The following PTPRT variants were observed in gnomAD, a reference collection of about 807,000 sequenced individuals.
PTPRT encodes the protein protein tyrosine phosphatase receptor type T.
In PTPRT, 56 loss-of-function variants were observed where a neutral mutation model predicts 176.8. That is an observed-to-expected ratio of 0.32 (90% CI 0.26 to 0.40). The LOEUF (loss-of-function observed/expected upper bound fraction) is 0.40, where lower values mean the gene tolerates loss of function less well. PTPRT is among the 10% of genes least tolerant of loss of function. The pLI, the probability that PTPRT is intolerant of heterozygous loss-of-function variation, is 1.00. For synonymous variants in PTPRT, 783 were observed against 739.0 expected (o/e 1.06, Z -0.96); for missense variants, 1,540 against 1,908.2 (o/e 0.81, Z 3.60).
chr20:42,868,458 G>T (rs534890247), intron 2 of PTPRT, among the ~76,000 whole-genome samples: 19 of 152,328 alleles, frequency 1.2e-4, no homozygotes, highest in African/African-American at 4.6e-4. Context: ...GGTGAAAGAA[G>T]TATCTAAGCA....
intron 2 of PTPRT, among the ~76,000 whole-genome samples, chr20:42,802,911 G>C (rs1009475037): frequency 6.6e-6 from 1 of 152,194 alleles, no homozygotes; most frequent in African/African-American, 2.4e-5. Context: ...GATGGCAAAA[G>C]TTGTACATGC....
At chr20:42,791,500 C>A (rs1352040511) in intron 2 of PTPRT, 34 bp from the exon 3 acceptor site, 2 of 1,572,910 alleles carry the variant, frequency 1.3e-6, no homozygotes, top group Admixed American at 1.9e-5. Context: ...GAAGTAGAGA[C>A]AAAGAGAAAG....
At chr20:42,940,992 G>C (rs1475916668) in intron 1 of PTPRT, among the ~76,000 whole-genome samples, 1 of 151,912 alleles carries the variant, frequency 6.6e-6, no homozygotes, top group East Asian at 1.9e-4. Flanking sequence ...TGAGGCAGAA[G>C]AATCGCTTGA....
intron 1 of PTPRT, among the ~76,000 whole-genome samples, chr20:42,984,427 C>G (rs935086582): frequency 6.6e-6 from 1 of 152,204 alleles, no homozygotes; most frequent in Non-Finnish European, 1.5e-5. Context: ...AAATACAGCT[C>G]TCCACTTTCT....
At chr20:42,423,708 C>T (rs944479097) in intron 9 of PTPRT, among the ~76,000 whole-genome samples, 7 of 152,302 alleles carry the variant, frequency 4.6e-5, no homozygotes, top group Middle Eastern at 3.4e-3. Flanking sequence ...TTCATGGAAA[C>T]CTCTATGATT....
Position 42,110,368 on chromosome 20 carries a change from G to C in PTPRT, c.3219C>G (p.Asn1073Lys), listed in dbSNP as rs1242881901. The C allele has an allele frequency of 6.2e-7, 1 of 1,612,846 alleles. No individual in the cohort carries two copies. The highest frequency in any genetic ancestry group is 8.5e-7 in the Non-Finnish European group (1 of 1,179,022). ...LGFVRQVKFL[N>K]PPEAGPIVVH... ...CCACTATGGGCCCAGCTTCCGGGGG[G>C]TTGAGGAACTTGACCTGGCGGACGA... The change falls in exon 23 of 31, where the codon AAC becomes AAG. Residue 1073 changes from asparagine (N) to lysine (K), a missense_variant. Around this residue, in one of 11 missense-constraint regions of PTPRT, gnomAD observed 248 missense variants for 356.7 expected, o/e 0.70. Coordinates refer to ENST00000373187, the MANE Select transcript of PTPRT (RefSeq NM_007050.6).
intron 7 of PTPRT, among the ~76,000 whole-genome samples, chr20:42,654,583 G>A (rs149495927): frequency 1.0e-3 from 155 of 152,294 alleles, no homozygotes; most frequent in African/African-American, 3.3e-3. Context: ...ACTGCACTAC[G>A]TCCAACACAT....
intron 2 of PTPRT, among the ~76,000 whole-genome samples, chr20:42,852,236 G>C (rs1055647443): frequency 6.6e-6 from 1 of 152,094 alleles, no homozygotes; most frequent in Non-Finnish European, 1.5e-5. Context: ...GGGGAGAATT[G>C]ACATATTTAT....
chr20:42,527,263 G>A (rs917009651), intron 7 of PTPRT, among the ~76,000 whole-genome samples: 1 of 151,854 alleles, frequency 6.6e-6, no homozygotes, highest in African/African-American at 2.4e-5. Context: ...GTGCCCGGCC[G>A]ACTTCTTGGT....
chr20:42,964,473 T>C (rs1982179217), intron 1 of PTPRT, among the ~76,000 whole-genome samples: 1 of 152,182 alleles, frequency 6.6e-6, no homozygotes, highest in Non-Finnish European at 1.5e-5. Flanking sequence ...TGACCTTTTC[T>C]GTAGCAGGTA....
At chr20:42,102,629 C>T (rs563124223) in intron 25 of PTPRT, among the ~76,000 whole-genome samples, 2 of 152,134 alleles carry the variant, frequency 1.3e-5, no homozygotes, top group East Asian at 3.9e-4. Context: ...AAAGGGTGGG[C>T]CAGCCAGGAG....
chr20:42,161,398 G>A lies in PTPRT; in HGVS notation c.2636C>T (p.Thr879Met), dbSNP rs757402269. Reference protein sequence around the residue: ...IRVADLLQHITQMKRGQGYGF... With the variant: ...IRVADLLQHIMQMKRGQGYGF... ...GTAGCCCTGGCCTCTCTTCATCTGC[G>A]TGATGTGCTGCAGCAAGTCAGCCAC... The change falls in exon 17 of 31, where the codon ACG becomes ATG. Residue 879 changes from threonine (T) to methionine (M), a missense_variant. Physicochemically the swap from Thr to Met is moderately conservative, Grantham distance 81. Coordinates refer to ENST00000373187, the MANE Select transcript of PTPRT (RefSeq NM_007050.6). 3.1e-6 allele frequency: 5 copies of A among 1,613,980 alleles called. No homozygotes were observed. Among genetic ancestry groups the A allele is most frequent in the African/African-American group, 1.3e-5 (1 of 74,888 alleles).
intron 6 of PTPRT, among the ~76,000 whole-genome samples, chr20:42,693,052 T>C (rs1290647978): frequency 6.6e-6 from 1 of 152,202 alleles, no homozygotes; most frequent in African/African-American, 2.4e-5. Flanking sequence ...CTTTACTGCA[T>C]TCTGTTCTAC....
intron 1 of PTPRT, among the ~76,000 whole-genome samples, chr20:42,939,240 G>C (rs751279514): frequency 8.5e-5 from 13 of 152,236 alleles, no homozygotes; most frequent in Non-Finnish European, 1.8e-4. Flanking sequence ...CCCCTGCCAA[G>C]CAAGGTGGCC....
intron 1 of PTPRT, among the ~76,000 whole-genome samples, chr20:43,154,097 C>G (rs373301605): frequency 1.6e-4 from 24 of 152,318 alleles, no homozygotes; most frequent in African/African-American, 5.8e-4. Flanking sequence ...CTGAAAACTG[C>G]TTAATTCCCC....
At chr20:43,138,169 C>T (rs2013893517) in intron 1 of PTPRT, among the ~76,000 whole-genome samples, 2 of 152,216 alleles carry the variant, frequency 1.3e-5, no homozygotes, top group Admixed American at 6.5e-5. Context: ...CTAGGGATTG[C>T]CCGGGCTCTC....
At chr20:42,992,266 A>G (rs6072928) in intron 1 of PTPRT, among the ~76,000 whole-genome samples, 32,134 of 152,178 alleles carry the variant, frequency 0.21, 3,570 homozygotes, top group Non-Finnish European at 0.24. Context: ...AAAGGATTAA[A>G]TTGAACCCGG....
At chr20:42,674,401 A>G (rs2075464069) in intron 7 of PTPRT, among the ~76,000 whole-genome samples, 1 of 152,248 alleles carries the variant, frequency 6.6e-6, no homozygotes, top group Non-Finnish European at 1.5e-5. Context: ...ACAGTTTGCA[A>G]TAGACTGTAA....
chr20:42,343,178 G>A (rs148616314), intron 11 of PTPRT, among the ~76,000 whole-genome samples: 83 of 152,232 alleles, frequency 5.5e-4, no homozygotes, highest in African/African-American at 1.9e-3. Flanking sequence ...CACACGCCAG[G>A]TTGCAGCTGT....
Sources: allele counts gnomAD v4.1 joint callset (sites outside exome capture counted in the v4.1 genomes callset), GRCh38; gene constraint gnomAD v4.1.1; regional missense constraint gnomAD v4.1.1; transcripts MANE v1.5; gene names NCBI Gene and HGNC (gene_info 2026-07-23, HGNC 2026-07-21).